Variants in HTR2A observed in about 807,000 individuals in gnomAD.
HTR2A encodes the protein 5-HT2 receptor.
HTR2A carries 14 observed loss-of-function variants against 31.0 expected under a neutral mutation model. That is an observed-to-expected ratio of 0.45 (90% CI 0.30 to 0.71). The LOEUF (loss-of-function observed/expected upper bound fraction) is 0.71, where lower values mean the gene tolerates loss of function less well. HTR2A is among the 30% of genes least tolerant of loss of function. The pLI is 0.09. For synonymous variants in HTR2A, 209 were observed against 225.2 expected (o/e 0.93, Z 0.64); for missense variants, 442 against 573.3 (o/e 0.77, Z 2.34).
At position 46,896,743 on chromosome 13, in the gene HTR2A, TAA is replaced by T. The variant is rs1418106339; in HGVS notation, c.-400_-399del. The T allele has an allele frequency of 8.5e-6, 13 of 1,535,388 alleles. No individual in the cohort carries two copies. Among genetic ancestry groups the T allele is most frequent in the Non-Finnish European group, 1.1e-5 (13 of 1,145,432 alleles). On this transcript the variant is annotated 5_prime_UTR_variant, in exon 1 of 4. The change abolishes the stop of an existing upstream ORF in the 5' untranslated region. Coordinates refer to ENST00000542664, the MANE Select transcript of HTR2A (RefSeq NM_000621.5). ...GACTCGCTGCATCTCTCACAGTAAT[TAA>T]ACTGGTGTAGAGTCCCCTCTTCTTG...
At chr13:46,851,670 T>C (rs967049874) in intron 3 of HTR2A, among the ~76,000 whole-genome samples, 2 of 152,318 alleles carry the variant, frequency 1.3e-5, no homozygotes, top group African/African-American at 4.8e-5. Flanking sequence ...AAGGCAGTTG[T>C]GGATCCAGCC....
At chr13:46,862,982 TATTCTTTCTGGTATAACACTAGTTACC>T (rs879322515) in intron 3 of HTR2A, among the ~76,000 whole-genome samples, 104 of 152,362 alleles carry the variant, frequency 6.8e-4, no homozygotes, top group Admixed American at 2.0e-3. Context: ...CACTCGCTGA[TATTCTTTCTGGTATAACACTAGTTACC>T]ATTCTTTCTG....
At chr13:46,839,708 T>G (rs1174095259) in intron 3 of HTR2A, among the ~76,000 whole-genome samples, 4 of 152,222 alleles carry the variant, frequency 2.6e-5, no homozygotes, top group Admixed American at 1.3e-4. Flanking sequence ...TGTAGCATTT[T>G]ATTCATTTCC....
At position 46,892,394 on chromosome 13, in the gene HTR2A, T is replaced by G. The variant is rs764259731; in HGVS notation, c.609A>C (p.Ser203=). The G allele has an allele frequency of 1.9e-6, 3 of 1,613,934 alleles. No individual in the cohort carries two copies. The highest frequency in any genetic ancestry group is 8.5e-7 in the Non-Finnish European group (1 of 1,179,762). The part of the protein sequence containing the change: ...FLKIIAVWTI[S]VGISMPIPVF... ...CTGAAATATGTTGCCACTTACCTAC[T>G]GATATGGTCCAAACAGCAATGATTT... The change falls in exon 3 of 4, where the codon TCA becomes TCC. Residue 203 remains serine (S), a synonymous_variant. Transcript: ENST00000542664.
chr13:46,869,491 A>G (rs1220864637), intron 3 of HTR2A, among the ~76,000 whole-genome samples: 1 of 152,144 alleles, frequency 6.6e-6, no homozygotes, highest in Admixed American at 6.6e-5. Context: ...GTAAAATCAC[A>G]CAGATGCTGT....
chr13:46,863,630 G>GAAAAAAAAAA (rs59693757), intron 3 of HTR2A, among the ~76,000 whole-genome samples: 100 of 59,250 alleles, frequency 1.7e-3, no homozygotes, highest in Non-Finnish European at 1.9e-3. Context: ...CCCTCAAAAT[G>GAAAAAAAAAA]AAAAAAAAAA....
At chr13:46,890,454 T>A (rs1951043859) in intron 3 of HTR2A, among the ~76,000 whole-genome samples, 1 of 152,202 alleles carries the variant, frequency 6.6e-6, no homozygotes, top group African/African-American at 2.4e-5. Flanking sequence ...TTTCTGGCTA[T>A]CTTTTGTGCA....
chr13:46,857,462 G>A (rs1349704777), intron 3 of HTR2A, among the ~76,000 whole-genome samples: 1 of 152,032 alleles, frequency 6.6e-6, no homozygotes, highest in Non-Finnish European at 1.5e-5. Flanking sequence ...AGCTCTCTAG[G>A]GCCCCTTTGA....
At chr13:46,887,428 A>AAG (rs1167959111) in intron 3 of HTR2A, among the ~76,000 whole-genome samples, 7 of 150,936 alleles carry the variant, frequency 4.6e-5, no homozygotes, top group Non-Finnish European at 8.9e-5. Flanking sequence ...GTCTCAAAAA[A>AAG]AAAAAAAAAA....
intron 3 of HTR2A, among the ~76,000 whole-genome samples, chr13:46,887,709 T>C (rs1389448940): frequency 6.6e-6 from 1 of 152,078 alleles, no homozygotes; most frequent in Admixed American, 6.5e-5. Context: ...AAACAAGAGA[T>C]GGGTCTTAGG....
At chr13:46,870,884 T>C (rs1255477163) in intron 3 of HTR2A, among the ~76,000 whole-genome samples, 1 of 152,196 alleles carries the variant, frequency 6.6e-6, no homozygotes, top group Non-Finnish European at 1.5e-5. Flanking sequence ...AATATATATA[T>C]AACTAAGATT....
intron 3 of HTR2A, among the ~76,000 whole-genome samples, chr13:46,877,146 T>C (rs1950920294): frequency 6.6e-6 from 1 of 152,186 alleles, no homozygotes; most frequent in African/African-American, 2.4e-5. Context: ...AGCTATACTG[T>C]ACCCTTTCTT....
At chr13:46,845,889 CA>C (rs1262725529) in intron 3 of HTR2A, among the ~76,000 whole-genome samples, 2 of 152,174 alleles carry the variant, frequency 1.3e-5, no homozygotes, top group Non-Finnish European at 2.9e-5. Context: ...GCGCACACAA[CA>C]GTGGTCCCAT....
intron 3 of HTR2A, among the ~76,000 whole-genome samples, chr13:46,861,408 A>G (rs1382499165): frequency 6.6e-6 from 1 of 152,196 alleles, no homozygotes; most frequent in Admixed American, 6.5e-5. Flanking sequence ...ACCTTCAGAC[A>G]TGACCCAGCT....
chr13:46,834,810 T>C lies in HTR2A; in HGVS notation c.*27A>G, dbSNP rs1340753055. 1 of 1,566,102 alleles carries C rather than the reference T, an allele frequency of 6.4e-7. No homozygotes were observed. The highest frequency in any genetic ancestry group is 8.7e-7 in the Non-Finnish European group (1 of 1,153,888). ...AGGTGAAAACTTGCTCAGTGTGCCTTCCACAGTTGCCACGGCAACTAGCCT... is the reference window on the plus strand; with the variant it reads ...AGGTGAAAACTTGCTCAGTGTGCCTCCCACAGTTGCCACGGCAACTAGCCT... On this transcript the variant is annotated 3_prime_UTR_variant, in exon 4 of 4. Coordinates refer to ENST00000542664, the MANE Select transcript of HTR2A (RefSeq NM_000621.5).
At chr13:46,875,451 T>C (rs533388510) in intron 3 of HTR2A, among the ~76,000 whole-genome samples, 1 of 152,328 alleles carries the variant, frequency 6.6e-6, no homozygotes, top group South Asian at 2.1e-4. Flanking sequence ...CATCTCACCA[T>C]AGCTAATGGT....
At chr13:46,890,199 C>T (rs1274812306) in intron 3 of HTR2A, among the ~76,000 whole-genome samples, 11 of 152,156 alleles carry the variant, frequency 7.2e-5, no homozygotes, top group South Asian at 2.1e-4. Context: ...CAAAATTAGC[C>T]GGGCGTGGTG....
intron 3 of HTR2A, among the ~76,000 whole-genome samples, chr13:46,874,121 G>C (rs377117672): frequency 1.3e-5 from 2 of 152,180 alleles, no homozygotes; most frequent in East Asian, 1.9e-4. Context: ...AGACAAAAGT[G>C]TGACTTTCAG....
intron 3 of HTR2A, among the ~76,000 whole-genome samples, chr13:46,838,136 T>TC (rs1295583545): frequency 4.6e-5 from 7 of 152,222 alleles, no homozygotes; most frequent in Non-Finnish European, 8.8e-5. Flanking sequence ...AGAGTGTTTT[T>TC]CTCCCAGTGT....
Sources: gnomAD v4.1 joint callset for allele counts (sites outside exome capture counted in the v4.1 genomes callset) on GRCh38, gnomAD v4.1.1 for gene constraint, MANE v1.5 for transcripts, NCBI Gene and HGNC (gene_info 2026-07-23, HGNC 2026-07-21) for gene names.